NELL1: variants seen among roughly 807,000 people sequenced by gnomAD.
NELL1 encodes the protein protein kinase C-binding protein NELL1.
Under a neutral mutation model 107.4 loss-of-function variants are expected in NELL1, and 76 were observed. That is an observed-to-expected ratio of 0.71 (90% CI 0.59 to 0.86). The LOEUF is 0.86. NELL1 is among the 40% of genes least tolerant of loss of function. The pLI, the probability that NELL1 is intolerant of heterozygous loss-of-function variation, is 0.00. For synonymous variants in NELL1, 353 were observed against 341.2 expected, an observed-to-expected ratio of 1.03 and a Z score of -0.38; for missense variants, 1,024 against 1,005.5, an observed-to-expected ratio of 1.02 and a Z score of -0.25.
At chr11:21,103,697 TTTTC>T (rs1407525649) in intron 12 of NELL1, among the ~76,000 whole-genome samples, 2 of 152,184 alleles carry the variant, frequency 1.3e-5, no homozygotes, top group Non-Finnish European at 2.9e-5. Flanking sequence ...CTTGACTGAA[TTTTC>T]TTTATCTTTG....
At chr11:21,239,239 T>G (rs1223673218) in intron 14 of NELL1, among the ~76,000 whole-genome samples, 1 of 152,086 alleles carries the variant, frequency 6.6e-6, no homozygotes, top group African/African-American at 2.4e-5. Context: ...AATACACACC[T>G]ATTTATGCAT....
intron 1 of NELL1, among the ~76,000 whole-genome samples, chr11:20,676,915 G>A (rs1854073081): frequency 6.6e-6 from 1 of 151,852 alleles, no homozygotes; most frequent in South Asian, 2.1e-4. Context: ...CAGCCTTTAT[G>A]AATGGCTTAA....
intron 3 of NELL1, among the ~76,000 whole-genome samples, chr11:20,838,335 G>A (rs76676714): frequency 8.1e-5 from 12 of 148,346 alleles, no homozygotes; most frequent in African/African-American, 2.5e-4. Context: ...CAAATGTATC[G>A]TAGCATCCTA....
intron 2 of NELL1, among the ~76,000 whole-genome samples, chr11:20,762,234 A>AG (rs1196209067): frequency 6.6e-6 from 1 of 152,244 alleles, no homozygotes; most frequent in African/African-American, 2.4e-5. Context: ...TGCTGAAGGC[A>AG]GGGATTGTGG....
chr11:20,948,640 C>T (rs923538654), intron 11 of NELL1, among the ~76,000 whole-genome samples: 1 of 151,470 alleles, frequency 6.6e-6, no homozygotes, highest in Non-Finnish European at 1.5e-5. Flanking sequence ...TCCCCCTTTC[C>T]CTTCACGGCC....
intron 14 of NELL1, among the ~76,000 whole-genome samples, chr11:21,305,654 C>A (rs1390176559): frequency 6.7e-6 from 1 of 149,514 alleles, no homozygotes; most frequent in Admixed American, 6.7e-5. Context: ...AGTATAGATT[C>A]TATATATATG....
At chr11:20,719,490 G>A (rs1417463906) in intron 2 of NELL1, among the ~76,000 whole-genome samples, 4 of 152,024 alleles carry the variant, frequency 2.6e-5, no homozygotes, top group African/African-American at 9.7e-5. Context: ...ATACACAATA[G>A]TTACTTCTAG....
chr11:20,989,013 C>G (rs7924852), intron 12 of NELL1, among the ~76,000 whole-genome samples: 11,912 of 152,216 alleles, frequency 0.078, 512 homozygotes, highest in African/African-American at 0.12. Context: ...CTTAACCTCT[C>G]TTGACCTCAG....
chr11:20,970,790 ATT>A (rs35911234), intron 12 of NELL1, among the ~76,000 whole-genome samples: 2 of 149,774 alleles, frequency 1.3e-5, no homozygotes, highest in East Asian at 2.0e-4. Flanking sequence ...AGAAGTCTAA[ATT>A]TTTTTTTTTG....
intron 13 of NELL1, among the ~76,000 whole-genome samples, chr11:21,179,887 T>TGTA (rs398045034): frequency 7.0e-6 from 1 of 142,448 alleles, no homozygotes; most frequent in Non-Finnish European, 1.5e-5. Context: ...TTTTTTTTTT[T>TGTA]GTAAAGGTCT....
chr11:20,759,288 C>A (rs1403828493), intron 2 of NELL1, among the ~76,000 whole-genome samples: 2 of 152,194 alleles, frequency 1.3e-5, no homozygotes, highest in Non-Finnish European at 2.9e-5. Flanking sequence ...AGAGCCTTGG[C>A]TCAACACTCT....
intron 12 of NELL1, among the ~76,000 whole-genome samples, chr11:21,087,336 G>C (rs1275935890): frequency 6.6e-6 from 1 of 151,798 alleles, no homozygotes; most frequent in East Asian, 1.9e-4. Context: ...TTTTTTGTTT[G>C]AGTCGCCTTA....
At chr11:21,074,250 A>G (rs1446442140) in intron 12 of NELL1, among the ~76,000 whole-genome samples, 1 of 151,838 alleles carries the variant, frequency 6.6e-6, no homozygotes, top group Admixed American at 6.6e-5. Context: ...TATTAACGAG[A>G]CTCCTGGATC....
At chr11:21,249,631 C>G (rs1858586988) in intron 14 of NELL1, among the ~76,000 whole-genome samples, 1 of 152,100 alleles carries the variant, frequency 6.6e-6, no homozygotes, top group Non-Finnish European at 1.5e-5. Context: ...TTTCCTTTAT[C>G]TACGAAATGG....
chr11:21,359,999 T>C (rs1225182682), intron 14 of NELL1, among the ~76,000 whole-genome samples: 2 of 152,186 alleles, frequency 1.3e-5, no homozygotes, highest in Non-Finnish European at 2.9e-5. Context: ...AGTTCTGCTC[T>C]GATCTTTGTT....
intron 12 of NELL1, among the ~76,000 whole-genome samples, chr11:21,010,223 G>A (rs1224124772): frequency 6.6e-6 from 1 of 151,986 alleles, no homozygotes; most frequent in Non-Finnish European, 1.5e-5. Context: ...CCCCTAAGAA[G>A]TTTCTTCTTA....
At chr11:21,399,922 C>A (rs1852061465) in intron 15 of NELL1, among the ~76,000 whole-genome samples, 1 of 151,800 alleles carries the variant, frequency 6.6e-6, no homozygotes, top group African/African-American at 2.4e-5. Context: ...ACACCCTGAC[C>A]TGGGAAAGTC....
intron 15 of NELL1, among the ~76,000 whole-genome samples, chr11:21,434,371 G>A (rs1161637820): frequency 6.6e-6 from 1 of 152,062 alleles, no homozygotes; most frequent in East Asian, 1.9e-4. Context: ...TTTTGCATAT[G>A]GTGAGATATG....
intron 5 of NELL1, among the ~76,000 whole-genome samples, chr11:20,898,566 A>G (rs922491670): frequency 6.6e-6 from 1 of 151,248 alleles, no homozygotes; most frequent in African/African-American, 2.5e-5. Context: ...AACTTAAAGT[A>G]TAATAAAAAA....
Sources: allele counts gnomAD v4.1 joint callset (sites outside exome capture counted in the v4.1 genomes callset), GRCh38; gene constraint gnomAD v4.1.1; transcripts MANE v1.5; gene names NCBI Gene and HGNC (gene_info 2026-07-23, HGNC 2026-07-21).